The following ZNF316 variants were observed in gnomAD, a reference collection of about 807,000 sequenced individuals.
The protein encoded by ZNF316 is zinc finger protein 316.
A neutral mutation model predicts 75.6 loss-of-function variants in ZNF316; 23 were observed. That is an observed-to-expected ratio of 0.30 (90% CI 0.22 to 0.43). The LOEUF is 0.43. Among genes scored for constraint, ZNF316 ranks in the 20% least tolerant of loss-of-function variants. The probability of loss-of-function intolerance (pLI) is 1.00; values close to 1 mark genes in which losing one functional copy is unlikely to be tolerated. For synonymous variants in ZNF316, 827 were observed against 666.2 expected (o/e 1.24, Z -3.72); for missense variants, 1,266 against 1,409.4 (o/e 0.90, Z 1.63).
Position 6,654,510 on chromosome 7 carries a change from G to A in ZNF316, c.2914G>A (p.Gly972Ser). The A allele has an allele frequency of 1.7e-6, 2 of 1,176,668 alleles. No homozygotes were observed. Among genetic ancestry groups the A allele is most frequent in the Non-Finnish European group, 2.1e-6 (2 of 952,706 alleles). 72.9% of individuals were successfully genotyped at this position (1,176,668 alleles called of 1,614,324 possible). The change falls in exon 9 of 9, where the codon GGC (glycine) becomes AGC (serine). Residue 972 changes from glycine to serine, a missense_variant. Coordinates refer to ENST00000382252, the MANE Select transcript of ZNF316 (RefSeq NM_001278559.2). ...GTCCAGTGCCGGCCCCGGTGAGCGCGGCAGCGCCCTGCTGGAGTTCGCGGG... is the reference window on the plus strand; with the variant it reads ...GTCCAGTGCCGGCCCCGGTGAGCGCAGCAGCGCCCTGCTGGAGTTCGCGGG... ...GPSSAGPGER[G>S]SALLEFAGGT...
Position 6,657,673 on chromosome 7 carries a change from CTT to C in ZNF316, c.*3063_*3064del, listed in dbSNP as rs1779650637. ...CCAGCTGGGACAACACGGCAAAACT[CTT>C]GTCTCTATAAAAAATACAAAAATTA... On this transcript the variant is annotated 3_prime_UTR_variant, in exon 9 of 9. Coordinates refer to ENST00000382252, the MANE Select transcript of ZNF316 (RefSeq NM_001278559.2). 2.0e-5 allele frequency among the ~76,000 whole-genome samples: 3 copies of C among 151,992 alleles called. No individual in the cohort carries two copies. The highest frequency in any genetic ancestry group is 4.8e-5 in the African/African-American group (2 of 41,430).
rs1779569589 is a variant in ZNF316 at position 6,654,006 on chromosome 7, G to A, written c.2410G>A (p.Ala804Thr). 3 of 1,187,098 alleles carry A rather than the reference G, an allele frequency of 2.5e-6. No homozygotes were observed. Among genetic ancestry groups the A allele is most frequent in the Non-Finnish European group, 3.1e-6 (3 of 959,764 alleles). The allele number at this position is 1,187,098 out of a possible 1,614,324, so 73.5% of individuals were successfully genotyped here. A position where few individuals can be genotyped will look rare whatever the true frequency, so the allele number is the denominator to read the frequency against. ...GRAHTGERPYACGECGRRFGQ... is the reference protein window; with the variant it reads ...GRAHTGERPYTCGECGRRFGQ... ...CGCGCACACCGGGGAGCGGCCTTAC[G>A]CGTGTGGAGAGTGCGGCCGGCGCTT... The change falls in exon 9 of 9, where the codon GCG becomes ACG. Residue 804 changes from alanine (A) to threonine (T), a missense_variant. Ala to Thr is a moderately conservative substitution (Grantham distance 58, BLOSUM62 0). Around this residue, in one of 3 missense-constraint regions of ZNF316, gnomAD observed 194 missense variants for 319.2 expected, o/e 0.61. Coordinates refer to ENST00000382252, the MANE Select transcript of ZNF316 (RefSeq NM_001278559.2).
At chr7:6,643,223 A>G (rs1779342719) in intron 6 of ZNF316, 150 bp downstream of exon 6, 1 of 1,144,220 alleles carries the variant, frequency 8.7e-7, no homozygotes, top group African/African-American at 1.6e-5. Context: ...GAGTGGCCAC[A>G]GGAAGCGGCT....
At position 6,652,617 on chromosome 7, in the gene ZNF316, G is replaced by A. The variant is rs780722010; in HGVS notation, c.1021G>A (p.Gly341Arg). 18 of 1,230,286 alleles carry A rather than the reference G, an allele frequency of 1.5e-5. No individual in the cohort carries two copies. The South Asian group carries it at 2.1e-4, about 14-fold the overall frequency. 76.2% of individuals were successfully genotyped at this position (1,230,286 alleles called of 1,614,324 possible). ...CCCCGCCGCAGTGGCCCCGCCGGCC[G>A]GGAGGCCGGAGACCACGTGCGACGT... ...AFPAAVAPPA[G>R]RPETTCDVCG... The change falls in exon 9 of 9, where the codon GGG becomes AGG. Residue 341 changes from glycine (G) to arginine (R), a missense_variant. Transcript: ENST00000382252.
At chr7:6,649,736 TG>T (rs1396177407) in intron 8 of ZNF316, among the ~76,000 whole-genome samples, 1 of 152,152 alleles carries the variant, frequency 6.6e-6, no homozygotes, top group African/African-American at 2.4e-5. Context: ...GTGTCAATGG[TG>T]GCCTGTCACC....
chr7:6,644,532 A>C lies in ZNF316; in HGVS notation c.645A>C (p.Glu215Asp), dbSNP rs937350830. The C allele has an allele frequency of 8.1e-7, 1 of 1,232,182 alleles. No individual in the cohort carries two copies. Among genetic ancestry groups the C allele is most frequent in the Non-Finnish European group, 1.0e-6 (1 of 988,018 alleles). The allele number at this position is 1,232,182 out of a possible 1,614,324, so 76.3% of individuals were successfully genotyped here. A position where few individuals can be genotyped will look rare whatever the true frequency, so the allele number is the denominator to read the frequency against. Residue 215 changes from glutamate to aspartate, a missense_variant, in exon 8 of 9, where the codon GAA (glutamate) becomes GAC (aspartate). Physicochemically the swap from Glu to Asp is conservative, Grantham distance 45 (BLOSUM62 2). Transcript: ENST00000382252. ...DLIFRLEQGE[E>D]PWVPDSPRPE... ...TCTTCCGGCTGGAACAAGGGGAAGA[A>C]CCTTGGGTCCCAGATAGTCCCCGAC...
intron 8 of ZNF316, among the ~76,000 whole-genome samples, chr7:6,648,197 C>T (rs1779443505): frequency 6.6e-6 from 1 of 152,158 alleles, no homozygotes; most frequent in Admixed American, 6.5e-5. Flanking sequence ...CACTGGTGAG[C>T]AGGAGGGCAC....
intron 8 of ZNF316, among the ~76,000 whole-genome samples, chr7:6,645,493 G>A (rs1779385182): frequency 6.6e-6 from 1 of 151,262 alleles, no homozygotes; most frequent in Non-Finnish European, 1.5e-5. Context: ...AGACCAGCCC[G>A]ACCAACATGG....
intron 6 of ZNF316, 94 bp downstream of exon 6, chr7:6,643,167 G>A (rs1047575832): frequency 8.1e-7 from 1 of 1,228,060 alleles, no homozygotes; most frequent in Non-Finnish European, 1.0e-6. Flanking sequence ...TGTTGGCAGC[G>A]GCCATGGCAC....
intron 8 of ZNF316, among the ~76,000 whole-genome samples, chr7:6,651,151 A>G (rs1207418493): frequency 6.6e-6 from 1 of 151,826 alleles, no homozygotes; most frequent in African/African-American, 2.4e-5. Context: ...GGAGTTTGAG[A>G]CTAGCCTGAC....
In ZNF316 at chr7:6,640,241, G is replaced by A. The variant is rs184595100; in HGVS notation, c.-167+1100G>A. 4.6e-3 allele frequency among the ~76,000 whole-genome samples: 696 copies of A among 152,258 alleles called. 7 individuals carry two copies. Among genetic ancestry groups the A allele is most frequent in the African/African-American group, 0.016 (653 of 41,528 alleles). On this transcript the variant is annotated intron_variant, in intron 3 of 8. Coordinates refer to ENST00000382252, the MANE Select transcript of ZNF316 (RefSeq NM_001278559.2). This position sits in a 1 kb window ranked among gnomAD's most constrained non-coding sequence, Gnocchi z 5.1. ...TTTGTCCAGGTGTCAGGCTGTTCTC[G>A]CATTGCTGTAAAGAAATACCTGAGA...
rs1261192671 is a variant in ZNF316 at position 6,640,433 on chromosome 7, AAG to A, written c.-167+1299_-167+1300del. Among the ~76,000 whole-genome samples the A allele has an allele frequency of 6.6e-6, 1 of 152,098 alleles. No individual in the cohort carries two copies. The highest frequency in any genetic ancestry group is 1.5e-5 in the Non-Finnish European group (1 of 68,010). ...TCACATGGCGAAAACAGGAACAAGCAAGAGAGAGTGAGTGGGGAGGCGCCACA... is the reference window on the plus strand; with the variant it reads ...TCACATGGCGAAAACAGGAACAAGCAAGAGAGTGAGTGGGGAGGCGCCACA... On this transcript the variant is annotated intron_variant, in intron 3 of 8. Coordinates refer to ENST00000382252, the MANE Select transcript of ZNF316 (RefSeq NM_001278559.2). This position sits in a 1 kb window ranked among gnomAD's most constrained non-coding sequence, Gnocchi z 5.1.
At chr7:6,638,329 A>G (rs1779255475) in intron 2 of ZNF316, among the ~76,000 whole-genome samples, 1 of 152,126 alleles carries the variant, frequency 6.6e-6, no homozygotes, top group Non-Finnish European at 1.5e-5. Context: ...GAGGACAGAC[A>G]GTGAGGACTG....
chr7:6,641,234 C>T (rs533051741), intron 3 of ZNF316, among the ~76,000 whole-genome samples: 44 of 152,360 alleles, frequency 2.9e-4, no homozygotes, highest in African/African-American at 7.7e-4. Flanking sequence ...GCCCAGTGCT[C>T]TGTGTGGCCA....
rs946523884 is a variant in ZNF316 at position 6,639,326 on chromosome 7, A to G, written c.-167+185A>G. Among the ~76,000 whole-genome samples, 1 of 152,196 alleles carries G rather than the reference A, an allele frequency of 6.6e-6. No individual in the cohort carries two copies. The highest frequency in any genetic ancestry group is 1.5e-5 in the Non-Finnish European group (1 of 68,038). ...CTTCTTAAGTGCTGGTGTGAGGGGT[A>G]TTCAGACATGAGCAAAGGGAGCTTC... On this transcript the variant is annotated intron_variant, in intron 3 of 8. Transcript: ENST00000382252. This position sits in a 1 kb window ranked among gnomAD's most constrained non-coding sequence, Gnocchi z 4.2.
chr7:6,652,352 C>T lies in ZNF316; in HGVS notation c.756C>T (p.Asp252=). The T allele has an allele frequency of 1.6e-6, 2 of 1,232,372 alleles. No individual in the cohort carries two copies. The highest frequency in any genetic ancestry group is 2.0e-6 in the Non-Finnish European group (2 of 988,118). The allele number at this position is 1,232,372 out of a possible 1,614,324, so 76.3% of individuals were successfully genotyped here. A position where few individuals can be genotyped will look rare whatever the true frequency, so the allele number is the denominator to read the frequency against. ...TAGAGGACCACGAGGAGGAAGACGACGAGGACTTCCTGGCGGAGGTGGCCG... is the reference window on the plus strand; with the variant it reads ...TAGAGGACCACGAGGAGGAAGACGATGAGGACTTCCTGGCGGAGGTGGCCG... The part of the protein sequence containing the change: ...DDIEDHEEED[D]EDFLAEVAEE... The change falls in exon 9 of 9, where the codon GAC becomes GAT. Residue 252 remains aspartate (D), a synonymous_variant. Coordinates refer to ENST00000382252, the MANE Select transcript of ZNF316 (RefSeq NM_001278559.2).
At position 6,658,206 on chromosome 7, in the gene ZNF316, C is replaced by G. The variant is rs1281454080; in HGVS notation, c.*3595C>G. 6.6e-6 allele frequency among the ~76,000 whole-genome samples: 1 copy of G among 151,938 alleles called. No individual in the cohort carries two copies. Among genetic ancestry groups the G allele is most frequent in the East Asian group, 1.9e-4 (1 of 5,196 alleles). ...CCTTCTATCTCCCTTTTTTCTTTCT[C>G]TAATTGGCTACATATGGAATAAAGT... On this transcript the variant is annotated 3_prime_UTR_variant, in exon 9 of 9. Coordinates refer to ENST00000382252, the MANE Select transcript of ZNF316 (RefSeq NM_001278559.2).
At chr7:6,647,954 G>A (rs1779438133) in intron 8 of ZNF316, among the ~76,000 whole-genome samples, 1 of 152,196 alleles carries the variant, frequency 6.6e-6, no homozygotes, top group Non-Finnish European at 1.5e-5. Context: ...CCAGGGCAGG[G>A]CACTTACCAG....
chr7:6,653,289 A>T lies in ZNF316; in HGVS notation c.1693A>T (p.Thr565Ser). The part of the protein sequence containing the change: ...EREEAAVAAP[T>S]PSGKVDPAPE... ...AGAGGAGGCGGCGGTGGCGGCGCCC[A>T]CCCCCAGCGGCAAGGTGGACCCCGC... The change falls in exon 9 of 9, where the codon ACC (threonine) becomes TCC (serine). Residue 565 changes from threonine (T) to serine (S), a missense_variant. By Grantham distance (58) the Thr-to-Ser change is moderately conservative. This residue lies in a region of ZNF316 where 961 missense variants were observed against 990.9 expected (regional missense o/e 0.97). Transcript: ENST00000382252. 8.2e-7 allele frequency: 1 copy of T among 1,226,978 alleles called. No homozygotes were observed. The highest frequency in any genetic ancestry group is 4.1e-5 in the South Asian group (1 of 24,286). The allele number at this position is 1,226,978 out of a possible 1,614,324, so 76.0% of individuals were successfully genotyped here.
Sources: gnomAD v4.1 joint callset for allele counts (sites outside exome capture counted in the v4.1 genomes callset) on GRCh38, gnomAD v4.1.1 for gene constraint, gnomAD v4.1.1 regional missense constraint, Gnocchi (gnomAD v3.1) non-coding constraint, MANE v1.5 for transcripts, NCBI Gene and HGNC (gene_info 2026-07-23, HGNC 2026-07-21) for gene names.